The following SKP2 variants were observed in gnomAD, a reference collection of about 807,000 sequenced individuals.
The protein encoded by SKP2 is S-phase kinase-associated protein 2.
SKP2 carries 16 observed loss-of-function variants against 51.8 expected under a neutral mutation model. The ratio of observed to expected loss-of-function variants is 0.31; its 90% CI spans 0.21 to 0.47. The LOEUF is 0.47. Among genes scored for constraint, SKP2 ranks in the 20% least tolerant of loss-of-function variants. SKP2 has a pLI of 1.00. For synonymous variants in SKP2, 176 were observed against 198.6 expected (o/e 0.89, Z 0.96); for missense variants, 377 against 505.3 (o/e 0.75, Z 2.43).
intron 3 of SKP2, among the ~76,000 whole-genome samples, chr5:36,164,311 C>A (rs1013564588): frequency 6.6e-6 from 1 of 152,192 alleles, no homozygotes; most frequent in Non-Finnish European, 1.5e-5. Flanking sequence ...GACTCACAGA[C>A]ATGTTCCACA....
chr5:36,163,742 G>A lies in SKP2; in HGVS notation c.378G>A (p.Arg126=), dbSNP rs758473681. 5 of 1,609,998 alleles carry A rather than the reference G, an allele frequency of 3.1e-6. No individual in the cohort carries two copies. The highest frequency in any genetic ancestry group is 3.4e-6 in the Non-Finnish European group (4 of 1,176,330). ...ELLKVSGVCK[R]WYRLASDESL... ...TAAAGGTCTCTGGTGTTTGTAAGAG[G>A]TGGTATCGCCTAGCGTAAGTATTTT... Residue 126 remains arginine (R), a synonymous_variant, in exon 3 of 10, where the codon AGG becomes AGA. Transcript: ENST00000274255.
downstream of SKP2, among the ~76,000 whole-genome samples, chr5:36,186,628 T>A (rs908458075): frequency 6.6e-6 from 1 of 152,158 alleles, no homozygotes; most frequent in Non-Finnish European, 1.5e-5. Flanking sequence ...CTTTTTGATA[T>A]GCTGCTGGAT....
chr5:36,174,904 G>A (rs1377208936), intron 7 of SKP2, among the ~76,000 whole-genome samples: 2 of 152,170 alleles, frequency 1.3e-5, no homozygotes, highest in African/African-American at 4.8e-5. Flanking sequence ...AGGGAGAACA[G>A]TGAGAGGAGA....
Position 36,163,775 on chromosome 5 carries a change from T to A in SKP2, c.392+19T>A. 1 of 1,494,188 alleles carries A rather than the reference T, an allele frequency of 6.7e-7. No individual in the cohort carries two copies. Among genetic ancestry groups the A allele is most frequent in the African/African-American group, 1.4e-5 (1 of 72,644 alleles). 92.6% of individuals were successfully genotyped at this position (1,494,188 alleles called of 1,614,324 possible). ...GCCTAGCGTAAGTATTTTTCACCCC[T>A]TTGGCAAACGTAGGGGAGGAAGAGG... On this transcript the variant is annotated intron_variant, in intron 3 of 9. Coordinates refer to ENST00000274255, the MANE Select transcript of SKP2 (RefSeq NM_005983.4).
chr5:36,181,803 T>G lies in SKP2; in HGVS notation c.1062-15T>G. ...TAGATACTGCTATTCTGAAAGTCTT[T>G]TTCTTCCTTTCCAGTGAACTTGGAG... On this transcript the variant is annotated splice_polypyrimidine_tract_variant and intron_variant, in intron 9 of 9. Transcript: ENST00000274255. 6.2e-7 allele frequency: 1 copy of G among 1,613,628 alleles called. No individual in the cohort carries two copies. Among genetic ancestry groups the G allele is most frequent in the Non-Finnish European group, 8.5e-7 (1 of 1,179,658 alleles).
chr5:36,168,813 T>A (rs1320229376), intron 5 of SKP2, among the ~76,000 whole-genome samples: 1 of 152,216 alleles, frequency 6.6e-6, no homozygotes, highest in African/African-American at 2.4e-5. Flanking sequence ...TATTTTCTCT[T>A]GCAAGAAGGT....
intron 2 of SKP2, among the ~76,000 whole-genome samples, chr5:36,162,020 G>A (rs1249124279): frequency 1.3e-5 from 2 of 152,170 alleles, no homozygotes; most frequent in Non-Finnish European, 2.9e-5. Flanking sequence ...TTTCATACTT[G>A]TTGAATAGTT....
chr5:36,180,402 T>C (rs1745769145), intron 9 of SKP2: 1 of 447,926 alleles, frequency 2.2e-6, no homozygotes, highest in Non-Finnish European at 4.2e-6. Context: ...CTGATTTTCT[T>C]TGGTTATATA....
intron 1 of SKP2, 61 bp downstream of exon 1, chr5:36,152,331 C>T: frequency 2.1e-6 from 3 of 1,445,638 alleles, no homozygotes; most frequent in Non-Finnish European, 2.9e-6. Flanking sequence ...TTCTTTTAGG[C>T]CGCGAATATC....
downstream of SKP2, among the ~76,000 whole-genome samples, chr5:36,187,409 G>T (rs1745966119): frequency 6.6e-6 from 1 of 152,144 alleles, no homozygotes; most frequent in Admixed American, 6.5e-5. Context: ...TGCTTTAAAT[G>T]TACCAGAGAT....
intron 6 of SKP2, among the ~76,000 whole-genome samples, chr5:36,192,411 T>C (rs1325237635): frequency 3.3e-5 from 5 of 152,200 alleles, no homozygotes; most frequent in Admixed American, 6.5e-5. Flanking sequence ...ATAATATTGG[T>C]ACAATGGAAT....
At chr5:36,187,319 T>G (rs190160050), downstream of SKP2, among the ~76,000 whole-genome samples, 1 of 152,234 alleles carries the variant, frequency 6.6e-6, no homozygotes, top group Non-Finnish European at 1.5e-5. Flanking sequence ...TTCTTTCAAT[T>G]GTGATGTTAG....
chr5:36,166,425 T>C (rs1324231177), intron 3 of SKP2, 94 bp from the exon 4 acceptor site: 1 of 1,021,002 alleles, frequency 9.8e-7, no homozygotes, highest in Non-Finnish European at 1.5e-6. Flanking sequence ...TCAAGGAGAT[T>C]TAGCAGCAGT....
intron 7 of SKP2, among the ~76,000 whole-genome samples, chr5:36,174,667 G>T (rs1243319203): frequency 6.6e-6 from 1 of 152,142 alleles, no homozygotes; most frequent in African/African-American, 2.4e-5. Context: ...AGGTAAAAAT[G>T]CAAGGACGAA....
At chr5:36,190,702 AAAAAG>A (rs1466097206) in intron 6 of SKP2, among the ~76,000 whole-genome samples, 1 of 150,824 alleles carries the variant, frequency 6.6e-6, no homozygotes, top group African/African-American at 2.4e-5. Context: ...AAAAAAAAAA[AAAAAG>A]AATATGATGG....
At chr5:36,157,666 A>G (rs1744996278) in intron 2 of SKP2, among the ~76,000 whole-genome samples, 1 of 152,204 alleles carries the variant, frequency 6.6e-6, no homozygotes, top group Admixed American at 6.5e-5. Flanking sequence ...TCCCTGAAAG[A>G]AATGCACACA....
At chr5:36,156,490 T>G (rs1334495299) in intron 2 of SKP2, among the ~76,000 whole-genome samples, 2 of 152,204 alleles carry the variant, frequency 1.3e-5, no homozygotes, top group Non-Finnish European at 2.9e-5. Context: ...CTTCATCCGT[T>G]TATCTGGGAA....
At chr5:36,169,935 C>A (rs1218093034) in intron 5 of SKP2, among the ~76,000 whole-genome samples, 2 of 152,080 alleles carry the variant, frequency 1.3e-5, no homozygotes, top group African/African-American at 4.8e-5. Context: ...GAGAAGATGG[C>A]AAATTTGAGA....
intron 6 of SKP2, among the ~76,000 whole-genome samples, chr5:36,190,656 T>A (rs2112027332): frequency 9.1e-6 from 1 of 109,894 alleles, no homozygotes; most frequent in South Asian, 2.9e-4. Flanking sequence ...TGCCTTTTTT[T>A]AAATGATGAA....
Sources: gnomAD v4.1 joint callset for allele counts (sites outside exome capture counted in the v4.1 genomes callset) on GRCh38, gnomAD v4.1.1 for gene constraint, MANE v1.5 for transcripts, NCBI Gene and HGNC (gene_info 2026-07-23, HGNC 2026-07-21) for gene names.